LARS1: variants seen among roughly 807,000 people sequenced by gnomAD.
The protein encoded by LARS1 is leucyl-tRNA synthetase 1, also known as leucine--tRNA ligase, cytoplasmic.
A neutral mutation model predicts 162.8 loss-of-function variants in LARS1; 100 were observed. The observed-to-expected ratio is 0.61, with a 90% CI of 0.52 to 0.73. The LOEUF is 0.73. Among genes scored for constraint, LARS1 ranks in the 30% least tolerant of loss-of-function variants. The pLI is 0.00. For missense variants in LARS1, 1,258 were observed against 1,408.9 expected (o/e 0.89, Z 1.71); for synonymous variants, 457 against 462.8 (o/e 0.99, Z 0.16).
chr5:146,162,836 G>A (rs1753832551), intron 6 of LARS1, among the ~76,000 whole-genome samples: 1 of 152,206 alleles, frequency 6.6e-6, no homozygotes. Context: ...TCACCTTGCA[G>A]CAGAGTCTCG....
chr5:146,175,261 A>G (rs1754502783), intron 2 of LARS1, among the ~76,000 whole-genome samples: 1 of 150,804 alleles, frequency 6.6e-6, no homozygotes, highest in Non-Finnish European at 1.5e-5. Flanking sequence ...AAAAAAAGAT[A>G]ATGGGCGGGC....
intron 24 of LARS1, 123 bp downstream of exon 24, chr5:146,130,896 T>C (rs1198759037): frequency 1.4e-5 from 7 of 489,628 alleles, no homozygotes; most frequent in Non-Finnish European, 2.5e-5. Context: ...AAAATTTTTC[T>C]GGCAGGATTT....
chr5:146,131,551 G>A (rs1752284761), intron 23 of LARS1: 1 of 143,198 alleles, frequency 7.0e-6, no homozygotes, highest in South Asian at 2.2e-4. Context: ...GAATGCAGTG[G>A]TATGATCACA....
chr5:146,150,503 T>G (rs914973292), intron 14 of LARS1, among the ~76,000 whole-genome samples: 2 of 152,062 alleles, frequency 1.3e-5, no homozygotes, highest in African/African-American at 4.8e-5. Flanking sequence ...GGCAGGGGCC[T>G]GTAATCCCAG....
At chr5:146,135,279 A>G (rs1365471142) in intron 22 of LARS1, among the ~76,000 whole-genome samples, 1 of 151,764 alleles carries the variant, frequency 6.6e-6, no homozygotes, top group African/African-American at 2.4e-5. Flanking sequence ...GGCCTCCCAA[A>G]GTGCTGGGAT....
chr5:146,120,741 C>G (rs571482532), intron 30 of LARS1, among the ~76,000 whole-genome samples: 3 of 152,304 alleles, frequency 2.0e-5, no homozygotes, highest in Non-Finnish European at 4.4e-5. Flanking sequence ...CTAACAATAA[C>G]TACATTTTCT....
intron 30 of LARS1, 71 bp from the exon 31 acceptor site, chr5:146,120,574 T>C: frequency 7.0e-7 from 1 of 1,432,042 alleles, no homozygotes; most frequent in Non-Finnish European, 9.6e-7. Flanking sequence ...CTGCTACGTT[T>C]TCAATGCCCA....
chr5:146,148,190 A>G (rs961823028), intron 15 of LARS1, among the ~76,000 whole-genome samples: 1 of 152,252 alleles, frequency 6.6e-6, no homozygotes, highest in African/African-American at 2.4e-5. Context: ...GAGAAAGAAT[A>G]TAAGGACATA....
intron 27 of LARS1, 41 bp downstream of exon 27, chr5:146,128,631 T>C: frequency 1.5e-6 from 2 of 1,352,984 alleles, no homozygotes; most frequent in Non-Finnish European, 2.0e-6. Flanking sequence ...ATAGGGAGCA[T>C]ACAACACCAT....
At chr5:146,133,197 T>C in intron 22 of LARS1, 116 bp from the exon 23 acceptor site, 1 of 801,500 alleles carries the variant, frequency 1.2e-6, no homozygotes, top group Non-Finnish European at 1.9e-6. Context: ...ACAAATGCTT[T>C]AAAGGACTGT....
chr5:146,159,300 T>C, intron 8 of LARS1, 107 bp downstream of exon 8: 2 of 775,156 alleles, frequency 2.6e-6, no homozygotes, highest in East Asian at 5.2e-5. Flanking sequence ...GTATCAGGAC[T>C]ACATCCCTCA....
At chr5:146,154,759 C>T (rs1413457513) in intron 10 of LARS1, among the ~76,000 whole-genome samples, 1 of 152,066 alleles carries the variant, frequency 6.6e-6, no homozygotes, top group Non-Finnish European at 1.5e-5. Context: ...GCCTGGGTGA[C>T]AGAGGGAGAC....
At chr5:146,156,652 C>CCA (rs1178504719) in intron 10 of LARS1, among the ~76,000 whole-genome samples, 3 of 151,630 alleles carry the variant, frequency 2.0e-5, no homozygotes, top group African/African-American at 7.3e-5. Context: ...TGAGATCGCG[C>CCA]CACTGAACAC....
rs184116422 is a variant in LARS1, at chr5:146,160,930, T to C, written c.595-444A>G. 3.5e-4 allele frequency among the ~76,000 whole-genome samples: 54 copies of C among 152,324 alleles called. No individual in the cohort carries two copies. In the East Asian group the frequency reaches 9.6e-3, roughly 27 times the overall value. ...AACAATAACAGTACTAATTCTTTAG[T>C]GGCATACAGGGGAAATATATTATTC... On this transcript the variant is annotated intron_variant, in intron 6 of 31. Transcript: ENST00000394434.
At chr5:146,160,509 G>C (rs1379408784) in intron 6 of LARS1, 23 bp from the exon 7 acceptor site, 3 of 1,285,110 alleles carry the variant, frequency 2.3e-6, no homozygotes, top group Middle Eastern at 4.5e-4. Flanking sequence ...AATTTTAAAA[G>C]GCAATTACTG....
intron 21 of LARS1, among the ~76,000 whole-genome samples, chr5:146,137,333 T>C (rs762884050): frequency 2.0e-5 from 3 of 147,282 alleles, no homozygotes; most frequent in Non-Finnish European, 4.6e-5. Context: ...GAGGAATAAA[T>C]AATTTTGTAC....
intron 22 of LARS1, among the ~76,000 whole-genome samples, chr5:146,134,005 C>T (rs1189935554): frequency 3.9e-5 from 6 of 152,092 alleles, no homozygotes; most frequent in Admixed American, 6.6e-5. Context: ...CCACCACGCC[C>T]GGCTAATTTT....
intron 4 of LARS1, among the ~76,000 whole-genome samples, chr5:146,170,527 T>G (rs1177899540): frequency 6.6e-6 from 1 of 151,664 alleles, no homozygotes; most frequent in African/African-American, 2.4e-5. Context: ...TACAGAAATT[T>G]GACTACAGAT....
At chr5:146,161,527 G>A (rs141477798) in intron 6 of LARS1, among the ~76,000 whole-genome samples, 49 of 152,178 alleles carry the variant, frequency 3.2e-4, no homozygotes, top group African/African-American at 1.2e-3. Flanking sequence ...TCGGGAGTTC[G>A]AGACCAGCCT....
Sources: allele counts gnomAD v4.1 joint callset (sites outside exome capture counted in the v4.1 genomes callset), GRCh38; gene constraint gnomAD v4.1.1; transcripts MANE v1.5; gene names NCBI Gene and HGNC (gene_info 2026-07-23, HGNC 2026-07-21).